The following CREB1 variants were observed in gnomAD, a reference collection of about 807,000 sequenced individuals.
The protein encoded by CREB1 is cyclic AMP-responsive element-binding protein 1.
In CREB1, 2 loss-of-function variants were observed where a neutral mutation model predicts 42.0. The ratio of observed to expected loss-of-function variants is 0.05; its 90% CI spans 0.02 to 0.15. CREB1 has a LOEUF of 0.15. Among genes scored for constraint, CREB1 ranks in the 10% least tolerant of loss-of-function variants. CREB1 has a pLI of 1.00. For missense variants in CREB1, 199 were observed against 388.9 expected, an observed-to-expected ratio of 0.51 and a Z score of 4.11; for synonymous variants, 123 against 139.9, an observed-to-expected ratio of 0.88 and a Z score of 0.85.
At chr2:207,577,976 G>C in intron 7 of CREB1, 1 of 333,948 alleles carries the variant, frequency 3.0e-6, no homozygotes, top group Non-Finnish European at 5.8e-6. Flanking sequence ...TTCATGTATA[G>C]TATTGTTCAA....
chr2:207,572,601 A>G (rs372960216), intron 5 of CREB1, among the ~76,000 whole-genome samples: 33 of 152,292 alleles, frequency 2.2e-4, no homozygotes, highest in African/African-American at 7.7e-4. Flanking sequence ...AAATATCCTA[A>G]GAGTGGAATT....
chr2:207,569,546 C>A (rs1016898115), intron 4 of CREB1, among the ~76,000 whole-genome samples: 1 of 151,752 alleles, frequency 6.6e-6, no homozygotes. Flanking sequence ...TTTTTACTTT[C>A]CGACTTTGTG....
At chr2:207,545,525 C>G (rs1421030879) in intron 1 of CREB1, among the ~76,000 whole-genome samples, 1 of 151,842 alleles carries the variant, frequency 6.6e-6, no homozygotes, top group Non-Finnish European at 1.5e-5. Context: ...GAGAAAGGTT[C>G]TTATATGTTT....
intron 3 of CREB1, among the ~76,000 whole-genome samples, chr2:207,563,820 T>C (rs1298368588): frequency 1.3e-5 from 2 of 152,150 alleles, no homozygotes; most frequent in Non-Finnish European, 2.9e-5. Context: ...GGTAGGCACC[T>C]ATAGTCCCAG....
At chr2:207,585,804 AAG>A (rs2083714944) in intron 7 of CREB1, among the ~76,000 whole-genome samples, 1 of 152,202 alleles carries the variant, frequency 6.6e-6, no homozygotes, top group Non-Finnish European at 1.5e-5. Context: ...TCTGAACTTT[AAG>A]AGAGAGGTCT....
chr2:207,592,987 TAC>T (rs760256415), intron 7 of CREB1, among the ~76,000 whole-genome samples: 8 of 152,242 alleles, frequency 5.3e-5, no homozygotes, highest in South Asian at 2.1e-4. Context: ...CTTCTGAGAT[TAC>T]AGTTATAAAT....
At chr2:207,590,274 C>A (rs1192668917) in intron 7 of CREB1, among the ~76,000 whole-genome samples, 11 of 151,524 alleles carry the variant, frequency 7.3e-5, no homozygotes, top group Non-Finnish European at 1.5e-4. Context: ...TAGGGATGTC[C>A]CCCCGCTTCA....
chr2:207,589,762 A>T (rs1464193963), intron 7 of CREB1, among the ~76,000 whole-genome samples: 1 of 152,202 alleles, frequency 6.6e-6, no homozygotes, highest in African/African-American at 2.4e-5. Context: ...AATTACATTC[A>T]TACTCCAATT....
chr2:207,586,227 G>C (rs1262603050), intron 7 of CREB1, among the ~76,000 whole-genome samples: 1 of 152,124 alleles, frequency 6.6e-6, no homozygotes, highest in Non-Finnish European at 1.5e-5. Context: ...ACATAGTATT[G>C]ATATAAAAAC....
intron 1 of CREB1, among the ~76,000 whole-genome samples, chr2:207,555,124 A>T (rs558804416): frequency 0.012 from 1,817 of 152,264 alleles, 33 homozygotes; most frequent in African/African-American, 0.041. Context: ...TACCACTAGT[A>T]ATCACTTTTA....
intron 2 of CREB1, among the ~76,000 whole-genome samples, chr2:207,557,508 C>T (rs1256349397): frequency 1.3e-5 from 2 of 152,022 alleles, no homozygotes; most frequent in South Asian, 2.1e-4. Context: ...CAGTGAAGCC[C>T]GTCTCTACTA....
At chr2:207,574,111 C>G (rs1191944167) in intron 5 of CREB1, among the ~76,000 whole-genome samples, 1 of 152,222 alleles carries the variant, frequency 6.6e-6, no homozygotes, top group African/African-American at 2.4e-5. Context: ...TAGCCATTAA[C>G]TCTTCTTACT....
At chr2:207,531,812 T>C (rs1386196393) in intron 1 of CREB1, among the ~76,000 whole-genome samples, 2 of 152,246 alleles carry the variant, frequency 1.3e-5, no homozygotes, top group Non-Finnish European at 2.9e-5. Flanking sequence ...CACTGTCTTA[T>C]TTTTCTGTAT....
intron 7 of CREB1, among the ~76,000 whole-genome samples, chr2:207,579,651 G>A (rs561454062): frequency 3.9e-5 from 6 of 152,098 alleles, no homozygotes; most frequent in Non-Finnish European, 8.8e-5. Flanking sequence ...ACATTACTTT[G>A]CTTAGATATA....
In CREB1 at chr2:207,602,211, T is replaced by A. The variant is rs940769674; in HGVS notation, c.*5153T>A. 3.3e-4 allele frequency: 61 copies of A among 186,664 alleles called. 1 individual carries two copies. The highest frequency in any genetic ancestry group is 2.7e-3 in the Admixed American group (43 of 16,116). 11.6% of individuals were successfully genotyped at this position (186,664 alleles called of 1,614,324 possible). A position where few individuals can be genotyped will look rare whatever the true frequency, so the allele number is the denominator to read the frequency against. On this transcript the variant is annotated 3_prime_UTR_variant, in exon 8 of 8. Coordinates refer to ENST00000353267, the MANE Select transcript of CREB1 (RefSeq NM_004379.5). ...GGATTATATTTCAGGTGTTTTAGCT[T>A]GAAATTTATTTTTTAAAAAAAGAAA...
rs1056211107 is a variant in CREB1, at chr2:207,556,376, G to T, written c.114+627G>T. On this transcript the variant is annotated intron_variant, in intron 2 of 7. Transcript: ENST00000353267. ...TACATAGATAGGAATGAGAAAGGTG[G>T]TTAACTTAAAAAACAAATAGCAGAT... Among the ~76,000 whole-genome samples the T allele has an allele frequency of 7.9e-5, 12 of 152,248 alleles. 1 individual carries two copies. The highest frequency in any genetic ancestry group is 2.9e-4 in the African/African-American group (12 of 41,554).
chr2:207,569,965 C>T (rs1018013659), intron 4 of CREB1, among the ~76,000 whole-genome samples: 2 of 150,682 alleles, frequency 1.3e-5, no homozygotes, highest in African/African-American at 4.9e-5. Context: ...TTGCTTGAAC[C>T]CGGGAGGCGG....
intron 4 of CREB1, among the ~76,000 whole-genome samples, chr2:207,569,462 T>C: frequency 6.6e-6 from 1 of 152,192 alleles, no homozygotes; most frequent in Admixed American, 6.5e-5. Flanking sequence ...TTAACACTTT[T>C]TTGTTTCCCA....
chr2:207,539,654 G>A (rs1480266572), intron 1 of CREB1, among the ~76,000 whole-genome samples: 2 of 152,172 alleles, frequency 1.3e-5, no homozygotes, highest in Non-Finnish European at 2.9e-5. Context: ...TGATGAAATA[G>A]TGTAAGAATG....
Sources: allele counts gnomAD v4.1 joint callset (sites outside exome capture counted in the v4.1 genomes callset), GRCh38; gene constraint gnomAD v4.1.1; transcripts MANE v1.5; gene names NCBI Gene and HGNC (gene_info 2026-07-23, HGNC 2026-07-21).